The following TANC2 variants were observed in gnomAD, a reference collection of about 807,000 sequenced individuals.
TANC2 encodes protein TANC2.
Under a neutral mutation model 210.5 loss-of-function variants are expected in TANC2, and 26 were observed. That is an observed-to-expected ratio of 0.12 (90% CI 0.09 to 0.17). The LOEUF (loss-of-function observed/expected upper bound fraction) is 0.17, where lower values mean the gene tolerates loss of function less well. Ranked by LOEUF, TANC2 falls within the 10% of genes least tolerant of loss-of-function variation. The pLI is 1.00. For missense variants in TANC2, 2,129 were observed against 2,608.9 expected (o/e 0.82, Z 4.01); for synonymous variants, 931 against 967.1 (o/e 0.96, Z 0.69).
At chr17:63,372,055 A>C (rs1211712642) in intron 14 of TANC2, among the ~76,000 whole-genome samples, 1 of 152,140 alleles carries the variant, frequency 6.6e-6, no homozygotes, top group African/African-American at 2.4e-5. Context: ...GAGGAGGGAG[A>C]GTGCTGGGGG....
intron 4 of TANC2, among the ~76,000 whole-genome samples, chr17:63,111,619 G>A (rs187890532): frequency 5.9e-5 from 9 of 151,854 alleles, no homozygotes; most frequent in Non-Finnish European, 1.0e-4. Flanking sequence ...CCCTCTCTTT[G>A]TATATTTCTT....
intron 19 of TANC2, among the ~76,000 whole-genome samples, chr17:63,399,522 G>C (rs2147237902): frequency 6.6e-6 from 1 of 152,316 alleles, no homozygotes; most frequent in African/African-American, 2.4e-5. Flanking sequence ...CTTCCTTGTG[G>C]CCTTTGCAGG....
intron 2 of TANC2, among the ~76,000 whole-genome samples, chr17:63,027,687 A>T (rs1453088065): frequency 6.6e-6 from 1 of 152,094 alleles, no homozygotes; most frequent in Non-Finnish European, 1.5e-5. Context: ...TACTCATAAT[A>T]GTGAAAAGTT....
intron 8 of TANC2, among the ~76,000 whole-genome samples, chr17:63,255,903 CTTTTT>C (rs1170508286): frequency 2.4e-5 from 2 of 84,230 alleles, no homozygotes; most frequent in African/African-American, 9.8e-5. Context: ...TTTGACTTTT[CTTTTT>C]TTTTTTTTTT....
At chr17:63,200,709 CTTAAAATATACT>C in intron 6 of TANC2, 50 bp from the exon 7 acceptor site, 1 of 1,375,392 alleles carries the variant, frequency 7.3e-7, no homozygotes, top group Non-Finnish European at 9.9e-7. Flanking sequence ...TTTATTTTAT[CTTAAAATATACT>C]TTAACAGCTG....
intron 3 of TANC2, among the ~76,000 whole-genome samples, chr17:63,084,554 G>T (rs1398498156): frequency 6.6e-6 from 1 of 150,718 alleles, no homozygotes; most frequent in Non-Finnish European, 1.5e-5. Context: ...AATTTAATTT[G>T]CTCTTCTTTT....
intron 7 of TANC2, among the ~76,000 whole-genome samples, chr17:63,205,627 G>A (rs995373552): frequency 2.6e-5 from 4 of 152,068 alleles, no homozygotes; most frequent in East Asian, 1.9e-4. Context: ...CAAAAAGGCC[G>A]GGCACTGTGG....
intron 14 of TANC2, among the ~76,000 whole-genome samples, chr17:63,360,321 C>T (rs1166320410): frequency 1.3e-5 from 2 of 152,196 alleles, no homozygotes; most frequent in African/African-American, 2.4e-5. Context: ...AGGATGGGTT[C>T]TGCTTTCTCA....
chr17:63,166,827 A>C lies in TANC2; in HGVS notation c.433+15447A>C, dbSNP rs1053411022. On this transcript the variant is annotated intron_variant, in intron 5 of 27. Coordinates refer to ENST00000689528, the Ensembl canonical transcript of TANC2. ...TACATATATATGGGGAAAATGTTCG[A>C]GTTGTAAGGGTTTGGTTGAAACATA... is the stretch of plus-strand genomic sequence containing the variant. Among the ~76,000 whole-genome samples, 5 of 152,246 alleles carry C rather than the reference A, an allele frequency of 3.3e-5. No homozygotes were observed. In the South Asian group the frequency reaches 8.3e-4, roughly 25 times the overall value.
At chr17:63,391,364 T>C (rs1388225701) in intron 17 of TANC2, 1 of 152,220 alleles carries the variant, frequency 6.6e-6, no homozygotes, top group Non-Finnish European at 1.5e-5. Flanking sequence ...ATTAAAATGA[T>C]AAGCTTTAGG....
chr17:62,993,604 A>G (rs1387184881), intron 1 of TANC2, among the ~76,000 whole-genome samples: 3 of 151,242 alleles, frequency 2.0e-5, no homozygotes, highest in Non-Finnish European at 4.4e-5. Flanking sequence ...TCATTTTTGG[A>G]TTGTTCATTG....
chr17:63,093,510 C>T (rs1026571948), intron 3 of TANC2, among the ~76,000 whole-genome samples: 20 of 152,108 alleles, frequency 1.3e-4, no homozygotes, highest in African/African-American at 4.8e-4. Flanking sequence ...CTCTGGATTA[C>T]TGTACCACAT....
In TANC2 at chr17:63,354,686, C is replaced by T. The variant is rs1034620601; in HGVS notation, c.1975-97C>T. 7 of 1,458,034 alleles carry T rather than the reference C, an allele frequency of 4.8e-6. No individual in the cohort carries two copies. The East Asian group carries it at 7.0e-5, about 15-fold the overall frequency. The allele number at this position is 1,458,034 out of a possible 1,614,324, so 90.3% of individuals were successfully genotyped here. A position where few individuals can be genotyped will look rare whatever the true frequency, so the allele number is the denominator to read the frequency against. On this transcript the variant is annotated intron_variant, in intron 13 of 27. Transcript: ENST00000689528. ...ATCATGTTTCCCTGTTTGGCCACTT[C>T]GAAGTTCAGAATACATTTGTGAACC... is the stretch of plus-strand genomic sequence containing the variant.
At chr17:63,405,137 C>T (rs374605275) in exon 20 of TANC2, 3 of 1,612,778 alleles carry the variant, frequency 1.9e-6, no homozygotes, top group African/African-American at 1.3e-5. Flanking sequence ...ACAGCTGCAG[C>T]CGGAAGGGGC....
At chr17:63,147,079 C>G (rs1323785485) in intron 4 of TANC2, among the ~76,000 whole-genome samples, 1 of 152,078 alleles carries the variant, frequency 6.6e-6, no homozygotes, top group South Asian at 2.1e-4. Flanking sequence ...TGCCTGTAAT[C>G]CCAGCACTTT....
rs528296529 is a variant in TANC2 at position 62,975,198 on chromosome 17, C to T, written c.-24+8449C>T. On this transcript the variant is annotated intron_variant, in intron 1 of 27. Coordinates refer to ENST00000689528, the Ensembl canonical transcript of TANC2. ...CTCAGATCTCAGGCAATTCTGTCTG[C>T]CTAAATGAAGGTAGTCACTTCTTAG... Among the ~76,000 whole-genome samples the T allele has an allele frequency of 3.3e-5, 5 of 152,244 alleles. No individual in the cohort carries two copies. The South Asian group carries it at 1.0e-3, about 32-fold the overall frequency.
At chr17:62,987,348 G>T (rs750801188) in intron 1 of TANC2, among the ~76,000 whole-genome samples, 1 of 152,166 alleles carries the variant, frequency 6.6e-6, no homozygotes, top group Non-Finnish European at 1.5e-5. Flanking sequence ...AGATGAGGGC[G>T]CACTTCAGAG....
At chr17:63,066,843 G>A (rs997435652) in intron 2 of TANC2, among the ~76,000 whole-genome samples, 6 of 151,962 alleles carry the variant, frequency 3.9e-5, no homozygotes, top group Admixed American at 1.3e-4. Flanking sequence ...GGTTTGTCAG[G>A]GTACCAAAAG....
intron 8 of TANC2, among the ~76,000 whole-genome samples, chr17:63,265,268 G>A (rs757266035): frequency 6.6e-6 from 1 of 152,198 alleles, no homozygotes; most frequent in Non-Finnish European, 1.5e-5. Context: ...TGCTGAACCA[G>A]TAAGTATAAT....
Sources: gnomAD v4.1 joint callset for allele counts (sites outside exome capture counted in the v4.1 genomes callset) on GRCh38, gnomAD v4.1.1 for gene constraint, MANE v1.5 for transcripts, NCBI Gene and HGNC (gene_info 2026-07-23, HGNC 2026-07-21) for gene names.